The following PAFAH1B1 variants were observed in gnomAD, a reference collection of about 807,000 sequenced individuals.
PAFAH1B1 encodes platelet activating factor acetylhydrolase 1b regulatory subunit 1.
A neutral mutation model predicts 57.5 loss-of-function variants in PAFAH1B1; 2 were observed. The ratio of observed to expected loss-of-function variants is 0.03; its 90% confidence interval spans 0.01 to 0.11. The LOEUF is 0.11. PAFAH1B1 is among the 10% of genes least tolerant of loss of function. The pLI is 1.00. For missense variants in PAFAH1B1, 257 were observed against 512.0 expected (o/e 0.50, Z 4.81); for synonymous variants, 152 against 169.6 (o/e 0.90, Z 0.81).
chr17:2,594,049 C>T (rs561132479), intron 1 of PAFAH1B1, 43 bp downstream of exon 1: 3 of 397,674 alleles, frequency 7.5e-6, no homozygotes, highest in East Asian at 7.1e-5. Context: ...GTCTCCTCCA[C>T]CGCGCCCGGG....
chr17:2,667,731 G>A (rs966488904), intron 5 of PAFAH1B1, among the ~76,000 whole-genome samples: 2 of 151,910 alleles, frequency 1.3e-5, no homozygotes, highest in Non-Finnish European at 2.9e-5. Flanking sequence ...TTTCCTTGAT[G>A]TATTTAAAAT....
intron 1 of PAFAH1B1, among the ~76,000 whole-genome samples, chr17:2,621,150 T>C (rs1436111673): frequency 6.6e-6 from 1 of 151,482 alleles, no homozygotes; most frequent in Non-Finnish European, 1.5e-5. Context: ...TAAGTTGAGG[T>C]GTATATGTGC....
At chr17:2,659,811 G>A (rs1485588866) in intron 2 of PAFAH1B1, among the ~76,000 whole-genome samples, 1 of 152,064 alleles carries the variant, frequency 6.6e-6, no homozygotes, top group Non-Finnish European at 1.5e-5. Context: ...CTCCAGCCTG[G>A]GTGACAGAGT....
At position 2,653,708 on chromosome 17, in the gene PAFAH1B1, A is replaced by G. The variant is rs1443334894; in HGVS notation, c.33-11664A>G. Among the ~76,000 whole-genome samples, 5 of 152,214 alleles carry G rather than the reference A, an allele frequency of 3.3e-5. No individual in the cohort carries two copies. The East Asian group carries it at 5.8e-4, about 18-fold the overall frequency. On this transcript the variant is annotated intron_variant, in intron 2 of 10. Transcript: ENST00000397195. ...TGGATAGTAAGGTTGAAATAAGACT[A>G]TAACTATAATCTAAATTTCAGATGG... is the stretch of plus-strand genomic sequence containing the variant.
In PAFAH1B1 at chr17:2,612,993, T is replaced by C. The variant is rs552147298; in HGVS notation, c.-191+18987T>C. Among the ~76,000 whole-genome samples, 3 of 149,478 alleles carry C rather than the reference T, an allele frequency of 2.0e-5. No individual in the cohort carries two copies. In the East Asian group the frequency reaches 5.9e-4, roughly 29 times the overall value. The stretch of plus-strand genomic sequence containing the variant: ...TAGTGGTCGAAAAATCAAAATAAAA[T>C]GTTTTGTAAAATAATTTTATAAAAT... On this transcript the variant is annotated intron_variant, in intron 1 of 10. Transcript: ENST00000397195.
chr17:2,642,620 A>G (rs1188915213), intron 2 of PAFAH1B1, among the ~76,000 whole-genome samples: 2 of 152,202 alleles, frequency 1.3e-5, no homozygotes, highest in Non-Finnish European at 2.9e-5. Context: ...CTCAACCTCT[A>G]CTTCTCAAAT....
In PAFAH1B1 at chr17:2,682,065, G is replaced by C. The variant is rs1227545420; in HGVS notation, c.*263G>C. 3 of 384,526 alleles carry C rather than the reference G, an allele frequency of 7.8e-6. No homozygotes were observed. The highest frequency in any genetic ancestry group is 1.4e-5 in the Non-Finnish European group (3 of 212,938). The allele number at this position is 384,526 out of a possible 1,614,324, so 23.8% of individuals were successfully genotyped here. A position where few individuals can be genotyped will look rare whatever the true frequency, so the allele number is the denominator to read the frequency against. On this transcript the variant is annotated 3_prime_UTR_variant, in exon 11 of 11. Transcript: ENST00000397195. ...GCATTGGTCACACCAGGCCTAAGAA[G>C]GCAGAAGTTGAATCAATTGAACTAG...
At chr17:2,609,176 T>G (rs2068238085) in intron 1 of PAFAH1B1, among the ~76,000 whole-genome samples, 1 of 152,050 alleles carries the variant, frequency 6.6e-6, no homozygotes, top group Admixed American at 6.6e-5. Flanking sequence ...CTTCTTGAAT[T>G]TTTTTTTCCC....
At chr17:2,630,075 A>G (rs2068536550) in intron 1 of PAFAH1B1, among the ~76,000 whole-genome samples, 1 of 152,188 alleles carries the variant, frequency 6.6e-6, no homozygotes, top group Non-Finnish European at 1.5e-5. Context: ...TATTTAGTCC[A>G]TTTCCATTCA....
Position 2,682,270 on chromosome 17 carries a change from C to T in PAFAH1B1, c.*468C>T, listed in dbSNP as rs141878652. 6.5e-6 allele frequency: 1 copy of T among 153,580 alleles called. No individual in the cohort carries two copies. The highest frequency in any genetic ancestry group is 1.5e-5 in the Non-Finnish European group (1 of 68,724). The allele number at this position is 153,580 out of a possible 1,614,324, so 9.5% of individuals were successfully genotyped here. On this transcript the variant is annotated 3_prime_UTR_variant, in exon 11 of 11. Coordinates refer to ENST00000397195, the MANE Select transcript of PAFAH1B1 (RefSeq NM_000430.4). Reference sequence around the variant, plus strand: ...CACTTAAGTGTGCTTAATAAATCTTCTGTAAGGATTTTAGATGATAAGGCT... The same window carrying T: ...CACTTAAGTGTGCTTAATAAATCTTTTGTAAGGATTTTAGATGATAAGGCT...
In PAFAH1B1 at chr17:2,634,754, T is replaced by C. The variant is rs578090783; in HGVS notation, c.-190-3345T>C. On this transcript the variant is annotated intron_variant, in intron 1 of 10. Transcript: ENST00000397195. Reference sequence around the variant, plus strand: ...GAGTTTATTTTGTGGCCTGTTTGCTTGCTCAGCTTCGTCCTGAGTCATCAC... The same window carrying C: ...GAGTTTATTTTGTGGCCTGTTTGCTCGCTCAGCTTCGTCCTGAGTCATCAC... Among the ~76,000 whole-genome samples, 4 of 152,332 alleles carry C rather than the reference T, an allele frequency of 2.6e-5. No individual in the cohort carries two copies. The East Asian group carries it at 7.7e-4, about 29-fold the overall frequency.
intron 1 of PAFAH1B1, among the ~76,000 whole-genome samples, chr17:2,603,161 G>T (rs2068164960): frequency 6.6e-6 from 1 of 151,994 alleles, no homozygotes; most frequent in Non-Finnish European, 1.5e-5. Flanking sequence ...TTTGACAAAA[G>T]AATGATTTTT....
chr17:2,652,968 C>A (rs1163381958), intron 2 of PAFAH1B1, among the ~76,000 whole-genome samples: 1 of 152,104 alleles, frequency 6.6e-6, no homozygotes, highest in Non-Finnish European at 1.5e-5. Flanking sequence ...GACACATGCA[C>A]ACATATGTTT....
intron 10 of PAFAH1B1, chr17:2,681,525 G>A (rs545068705): frequency 3.6e-6 from 2 of 561,690 alleles, no homozygotes; most frequent in African/African-American, 1.9e-5. Context: ...GAGTGCAGTG[G>A]TGCAGTCATG....
chr17:2,628,197 T>C (rs1428430356), intron 1 of PAFAH1B1, among the ~76,000 whole-genome samples: 1 of 152,228 alleles, frequency 6.6e-6, no homozygotes, highest in East Asian at 1.9e-4. Flanking sequence ...CCTTTCATTA[T>C]TATGTTGGCT....
intron 6 of PAFAH1B1, among the ~76,000 whole-genome samples, chr17:2,671,518 A>C (rs1159166995): frequency 1.3e-5 from 2 of 149,072 alleles, no homozygotes; most frequent in Non-Finnish European, 3.0e-5. Flanking sequence ...ATTTTTCTTT[A>C]AGTTGCCTGT....
chr17:2,611,251 TGA>T (rs1376050349), intron 1 of PAFAH1B1, among the ~76,000 whole-genome samples: 1 of 151,994 alleles, frequency 6.6e-6, no homozygotes, highest in East Asian at 1.9e-4. Flanking sequence ...AGGCGGATCA[TGA>T]GGTCAGGAGT....
intron 2 of PAFAH1B1, among the ~76,000 whole-genome samples, chr17:2,662,312 T>A (rs932275916): frequency 6.6e-6 from 1 of 152,064 alleles, no homozygotes. Flanking sequence ...AAGTCCTTCA[T>A]CTCAGTTTTG....
chr17:2,664,665 G>GCGCGCTCTCTCTCTCTCTCTCT lies in PAFAH1B1; in HGVS notation c.33-706_33-705insGCGCTCTCTCTCTCTCTCTCTC. ...TGATATATATCTATATCTATCTATC[G>GCGCGCTCTCTCTCTCTCTCTCT]CTCTCTCTCTCTCTCTCTCTCTCTC... On this transcript the variant is annotated intron_variant, in intron 2 of 10. Coordinates refer to ENST00000397195, the MANE Select transcript of PAFAH1B1 (RefSeq NM_000430.4). Among the ~76,000 whole-genome samples, 68 of 86,074 alleles carry GCGCGCTCTCTCTCTCTCTCTCT rather than the reference G, an allele frequency of 7.9e-4. 4 individuals are homozygous for GCGCGCTCTCTCTCTCTCTCTCT. The highest frequency in any genetic ancestry group is 2.7e-3 in the South Asian group (6 of 2,246). The allele number at this position is 86,074 out of a possible 152,430, so 56.5% of individuals were successfully genotyped here.
Sources: allele counts gnomAD v4.1 joint callset (sites outside exome capture counted in the v4.1 genomes callset), GRCh38; gene constraint gnomAD v4.1.1; transcripts MANE v1.5; gene names NCBI Gene and HGNC (gene_info 2026-07-23, HGNC 2026-07-21).